FOXN3: variants seen among roughly 807,000 people sequenced by gnomAD.
FOXN3 encodes forkhead box N3, also known as forkhead box protein N3.
A neutral mutation model predicts 38.4 loss-of-function variants in FOXN3; 7 were observed. The ratio of observed to expected loss-of-function variants is 0.18; its 90% confidence interval spans 0.10 to 0.34. The LOEUF (loss-of-function observed/expected upper bound fraction) is 0.34, where lower values mean the gene tolerates loss of function less well. Among genes scored for constraint, FOXN3 ranks in the 10% least tolerant of loss-of-function variants. The probability of loss-of-function intolerance (pLI) is 1.00; values close to 1 mark genes in which losing one functional copy is unlikely to be tolerated. For synonymous variants in FOXN3, 230 were observed against 242.2 expected (o/e 0.95, Z 0.47); for missense variants, 456 against 613.4 (o/e 0.74, Z 2.71).
rs964212091 is a variant in FOXN3, at chr14:89,164,768, C to T, written c.852-1799G>A. Among the ~76,000 whole-genome samples the T allele has an allele frequency of 6.6e-6, 1 of 152,140 alleles. No individual in the cohort carries two copies. The highest frequency in any genetic ancestry group is 2.4e-5 in the African/African-American group (1 of 41,432). ...AGAAGGGCTGTGGGGTCAGGACCAC[C>T]AGTGAGATAACAGTAGTGACAATCT... On this transcript the variant is annotated intron_variant, in intron 5 of 5. Transcript: ENST00000557258. This position sits in a 1 kb window ranked among gnomAD's most constrained non-coding sequence, Gnocchi z 4.3.
chr14:89,189,211 G>A (rs1030925161), intron 4 of FOXN3, among the ~76,000 whole-genome samples: 3 of 152,114 alleles, frequency 2.0e-5, no homozygotes, highest in African/African-American at 7.2e-5. Flanking sequence ...GGGCTATGAC[G>A]GATGGCCTGG....
intron 1 of FOXN3, among the ~76,000 whole-genome samples, chr14:89,424,267 G>C (rs551846406): frequency 5.9e-5 from 9 of 152,250 alleles, no homozygotes; most frequent in African/African-American, 2.2e-4. Context: ...GAGACTGTAC[G>C]TGTGAAACAA....
At chr14:89,427,228 C>CA (rs1377599085) in intron 1 of FOXN3, among the ~76,000 whole-genome samples, 1,280 of 44,194 alleles carry the variant, frequency 0.029, 37 homozygotes, top group East Asian at 0.2. Flanking sequence ...GCCTCTGTCT[C>CA]AAAAAAAAAA....
intron 1 of FOXN3, among the ~76,000 whole-genome samples, chr14:89,500,809 C>A (rs1345169423): frequency 1.3e-5 from 2 of 152,220 alleles, no homozygotes; most frequent in East Asian, 3.8e-4. Flanking sequence ...ACGGGACAGC[C>A]TCCCAGAGGA....
chr14:89,594,512 T>C (rs557467798), intron 1 of FOXN3, among the ~76,000 whole-genome samples: 1 of 152,354 alleles, frequency 6.6e-6, no homozygotes, highest in Non-Finnish European at 1.5e-5. Flanking sequence ...GAATATCCTC[T>C]TTGGTGAAGT....
intron 1 of FOXN3, among the ~76,000 whole-genome samples, chr14:89,543,046 ACT>A (rs991798660): frequency 2.5e-4 from 23 of 90,536 alleles, no homozygotes; most frequent in Non-Finnish European, 7.6e-5. Context: ...GAGAAAAGAC[ACT>A]CTTTGACTGA....
chr14:89,418,412 A>AC (rs77366418), upstream of FOXN3, among the ~76,000 whole-genome samples: 3,549 of 71,948 alleles, frequency 0.049, 369 homozygotes, highest in African/African-American at 0.18. Context: ...CAAAAAATAG[A>AC]CCCCCCCCCC....
intron 4 of FOXN3, among the ~76,000 whole-genome samples, chr14:89,236,801 C>T (rs1015866284): frequency 1.3e-5 from 2 of 152,206 alleles, no homozygotes; most frequent in Non-Finnish European, 2.9e-5. Context: ...AGTTCCAAGC[C>T]TTTAAGAAGT....
intron 3 of FOXN3, among the ~76,000 whole-genome samples, chr14:89,323,459 G>A (rs559561443): frequency 6.6e-6 from 1 of 152,092 alleles, no homozygotes; most frequent in South Asian, 2.1e-4. Flanking sequence ...AGTGGTTCAC[G>A]CCTGTAATCC....
rs193186185 is a variant in FOXN3, at chr14:89,461,204, G to T, written c.-14-48714C>A. Among the ~76,000 whole-genome samples, 11 of 151,734 alleles carry T rather than the reference G, an allele frequency of 7.2e-5. No individual in the cohort carries two copies. In the East Asian group the frequency reaches 2.1e-3, roughly 29 times the overall value. Reference sequence around the variant, plus strand: ...TACAAAAAATTAGCTAGGCATAGTGGTGCATGCCTGTAGTCCTAGCTACTC... The same window carrying T: ...TACAAAAAATTAGCTAGGCATAGTGTTGCATGCCTGTAGTCCTAGCTACTC... On this transcript the variant is annotated intron_variant, in intron 1 of 6. Transcript: ENST00000345097.
intron 1 of FOXN3, among the ~76,000 whole-genome samples, chr14:89,521,360 G>GATAGAT (rs200738065): frequency 7.7e-6 from 1 of 129,210 alleles, no homozygotes; most frequent in African/African-American, 3.1e-5. Context: ...ATGATAGATA[G>GATAGAT]AGAGAGAGAG....
At chr14:89,358,438 T>C (rs7156622) in intron 2 of FOXN3, among the ~76,000 whole-genome samples, 3 of 152,148 alleles carry the variant, frequency 2.0e-5, no homozygotes, top group African/African-American at 7.2e-5. Flanking sequence ...AAGACCCCCA[T>C]TGGGGGATAC....
At chr14:89,174,439 C>A (rs1009200827) in intron 5 of FOXN3, among the ~76,000 whole-genome samples, 3 of 152,154 alleles carry the variant, frequency 2.0e-5, no homozygotes, top group Admixed American at 6.5e-5. Context: ...TCCCCTAAAC[C>A]ACTGAGATAA....
intron 3 of FOXN3, among the ~76,000 whole-genome samples, chr14:89,329,495 T>C (rs1020345644): frequency 2.6e-5 from 4 of 152,058 alleles, no homozygotes; most frequent in Admixed American, 6.6e-5. Flanking sequence ...TACTGGTACC[T>C]GGTGGGTAGA....
At chr14:89,319,765 C>T (rs1165049678) in intron 3 of FOXN3, among the ~76,000 whole-genome samples, 1 of 152,140 alleles carries the variant, frequency 6.6e-6, no homozygotes, top group Non-Finnish European at 1.5e-5. Flanking sequence ...ATGTCTTACA[C>T]GCAACATCCA....
At chr14:89,514,762 T>C (rs1414330201) in intron 1 of FOXN3, among the ~76,000 whole-genome samples, 3 of 152,194 alleles carry the variant, frequency 2.0e-5, no homozygotes, top group African/African-American at 7.2e-5. Flanking sequence ...CATCTTGCCA[T>C]TCTACCAGCT....
At chr14:89,303,917 A>G (rs1469577138) in intron 3 of FOXN3, among the ~76,000 whole-genome samples, 1 of 152,208 alleles carries the variant, frequency 6.6e-6, no homozygotes, top group East Asian at 1.9e-4. Flanking sequence ...GATGGGGGAC[A>G]AGACGCCTTG....
intron 4 of FOXN3, among the ~76,000 whole-genome samples, chr14:89,270,669 G>A (rs1401710011): frequency 6.6e-6 from 1 of 152,186 alleles, no homozygotes; most frequent in African/African-American, 2.4e-5. Context: ...CTGGAGTGAA[G>A]TGTGGCAATG....
rs570942792 is a variant in FOXN3, at chr14:89,222,095, C to T, written c.746-41289G>A. On this transcript the variant is annotated intron_variant, in intron 4 of 5. Coordinates refer to ENST00000557258, the MANE Select transcript of FOXN3 (RefSeq NM_005197.4). The stretch of plus-strand genomic sequence containing the variant: ...CCTCCCAAAGTGCTGGGATTACAGG[C>T]GTGAGCCACCGCGCCCGGCCTACAC... Among the ~76,000 whole-genome samples the T allele has an allele frequency of 4.6e-5, 7 of 152,278 alleles. No homozygotes were observed. The East Asian group carries it at 1.4e-3, about 29-fold the overall frequency.
Sources: gnomAD v4.1 joint callset for allele counts (sites outside exome capture counted in the v4.1 genomes callset) on GRCh38, gnomAD v4.1.1 for gene constraint, Gnocchi (gnomAD v3.1) non-coding constraint, MANE v1.5 for transcripts, NCBI Gene and HGNC (gene_info 2026-07-23, HGNC 2026-07-21) for gene names.